Variants in ATRX observed in about 807,000 individuals in gnomAD.
ATRX encodes the protein ATRX chromatin remodeler, also known as chromatin remodeler ATRX.
ATRX carries 12 observed loss-of-function variants against 172.6 expected under a neutral mutation model. The ratio of observed to expected loss-of-function variants is 0.07; its 90% CI spans 0.04 to 0.11. ATRX has a LOEUF of 0.11. Ranked by LOEUF, ATRX falls within the 10% of genes least tolerant of loss-of-function variation. The pLI is 1.00. For synonymous variants in ATRX, 674 were observed against 594.7 expected, an observed-to-expected ratio of 1.13 and a Z score of -1.94; for missense variants, 1,368 against 1,767.4, an observed-to-expected ratio of 0.77 and a Z score of 4.05.
chrX:77,770,855 C>T (rs1557198695), intron 1 of ATRX, among the ~76,000 whole-genome samples: 2 of 112,056 alleles, frequency 1.8e-5, no homozygotes, highest in Non-Finnish European at 3.8e-5. Context: ...TTAAGGGCAA[C>T]ATATGACATC....
chrX:77,717,069 A>G (rs1319061959), intron 2 of ATRX, 62 bp downstream of exon 2: 29 of 952,911 alleles, frequency 3.0e-5, no homozygotes, highest in Non-Finnish European at 4.3e-5. Flanking sequence ...GGTTACCTCC[A>G]TAAGTGTAAA....
At chrX:77,586,525 T>A (rs1454453407) in intron 27 of ATRX, among the ~76,000 whole-genome samples, 1 of 112,088 alleles carries the variant, frequency 8.9e-6, no homozygotes, top group African/African-American at 3.2e-5. Context: ...TTAAAACAAA[T>A]ACAAGATATC....
intron 30 of ATRX, among the ~76,000 whole-genome samples, chrX:77,526,269 A>G (rs1302185086): frequency 8.9e-6 from 1 of 111,823 alleles, no homozygotes; most frequent in African/African-American, 3.2e-5. Context: ...GAAAGATTCC[A>G]GGGGAGGGGG....
At position 77,633,142 on chromosome X, in the gene ATRX, G is replaced by A. The variant is rs1235202777; in HGVS notation, c.5134+65C>T. 7 of 1,066,842 alleles carry A rather than the reference G, an allele frequency of 6.6e-6. No homozygotes were observed. The African/African-American group carries it at 1.3e-4, about 20-fold the overall frequency. The allele number at this position is 1,066,842 out of a possible 1,213,427, so 87.9% of individuals were successfully genotyped here. A position where few individuals can be genotyped will look rare whatever the true frequency, so the allele number is the denominator to read the frequency against. On this transcript the variant is annotated intron_variant, in intron 19 of 34. Coordinates refer to ENST00000373344, the MANE Select transcript of ATRX (RefSeq NM_000489.6). ...CTTAGTAGCTGTGCAATTACTATTT[G>A]TTAAAATATAAACACATTTTTTATT...
chrX:77,786,043 C>G lies in ATRX; in HGVS notation c.-42G>C. 8.5e-7 allele frequency: 1 copy of G among 1,169,594 alleles called. No homozygotes were observed. Among genetic ancestry groups the G allele is most frequent in the Admixed American group, 2.4e-5 (1 of 40,966 alleles). ...CTTGTCGGCTTCTGTGATTGCTGGG[C>G]GCCGATCTGCGCTCCCCCGCGCCCG... On this transcript the variant is annotated 5_prime_UTR_variant, in exon 1 of 35. Coordinates refer to ENST00000373344, the MANE Select transcript of ATRX (RefSeq NM_000489.6).
chrX:77,507,627 A>C lies in ATRX; in HGVS notation c.*724T>G, dbSNP rs2062739327. 1 of 174,137 alleles carries C rather than the reference A, an allele frequency of 5.7e-6. No individual in the cohort carries two copies. The highest frequency in any genetic ancestry group is 1.1e-5 in the Non-Finnish European group (1 of 91,243). 14.4% of individuals were successfully genotyped at this position (174,137 alleles called of 1,213,427 possible). ...ACCAGTAATTATTTCAGCACATATA[A>C]CTGAAAATAAAAAATGGCAGAAGGA... On this transcript the variant is annotated 3_prime_UTR_variant, in exon 35 of 35. Transcript: ENST00000373344.
rs1216809107 is a variant in ATRX at position 77,660,764 on chromosome X, A to G, written c.4120+2618T>C. Reference sequence around the variant, plus strand: ...ATAACTCTTGCCCAAAAGCCCTATAAATGTTTAGGATTCCAAGACTATGTC... The same window carrying G: ...ATAACTCTTGCCCAAAAGCCCTATAGATGTTTAGGATTCCAAGACTATGTC... On this transcript the variant is annotated intron_variant, in intron 12 of 34. Transcript: ENST00000373344. Among the ~76,000 whole-genome samples, 4 of 110,703 alleles carry G rather than the reference A, an allele frequency of 3.6e-5. No individual in the cohort carries two copies. The Admixed American group carries it at 3.9e-4, about 11-fold the overall frequency.
Position 77,589,879 on chromosome X carries a change from T to C in ATRX, c.6172A>G (p.Ser2058Gly), listed in dbSNP as rs1473492502. 19 of 1,210,146 alleles carry C rather than the reference T, an allele frequency of 1.6e-5. No individual in the cohort carries two copies. The highest frequency in any genetic ancestry group is 2.1e-5 in the Non-Finnish European group (19 of 894,488). Residue 2058 changes from serine to glycine, a missense_variant, in exon 27 of 35, where the codon AGT becomes GGT. Transcript: ENST00000373344. ...DLIEDFLELA[S>G]REKTEDKDKP... ...TCTTTATCTTCTGTCTTCTCCCTAC[T>C]AGCTAATTCAAGAAAATCTTCAATC...
intron 7 of ATRX, 78 bp downstream of exon 7, chrX:77,688,740 G>T: frequency 1.2e-6 from 1 of 820,031 alleles, no homozygotes; most frequent in Non-Finnish European, 1.8e-6. Context: ...CTTTCTTCAA[G>T]ACTGTGCCCT....
intron 27 of ATRX, among the ~76,000 whole-genome samples, chrX:77,586,968 T>G (rs1226707000): frequency 9.2e-6 from 1 of 109,093 alleles, no homozygotes. Context: ...GGCACAAGAA[T>G]CGCTTGAACC....
rs2148639516 is a variant in ATRX at position 77,684,539 on chromosome X, G to A, written c.717C>T (p.Phe239=). Residue 239 remains phenylalanine (F), a synonymous_variant, in exon 9 of 35, where the codon TTC becomes TTT. Transcript: ENST00000373344. ...LICCDFCHNA[F]CKKCILRNLG... is the part of the protein sequence containing the mutation. ...GGTTGCGTAGAATGCATTTCTTGCA[G>A]AAAGCATTATGGCAAAAGTCACAAC... is the stretch of plus-strand genomic sequence containing the variant. 1 of 1,210,930 alleles carries A rather than the reference G, an allele frequency of 8.3e-7. No homozygotes were observed. The highest frequency in any genetic ancestry group is 1.1e-6 in the Non-Finnish European group (1 of 895,013).
chrX:77,671,167 A>AAAATATATATATATATATAT (rs1424480831), intron 10 of ATRX, among the ~76,000 whole-genome samples: 2 of 15,735 alleles, frequency 1.3e-4, no homozygotes, highest in Non-Finnish European at 2.3e-4. Context: ...AAAAAAAAAA[A>AAAATATATATATATATATAT]ATATATATAT....
chrX:77,730,190 T>C (rs182976587), intron 1 of ATRX, among the ~76,000 whole-genome samples: 350 of 111,626 alleles, frequency 3.1e-3, no homozygotes, highest in Non-Finnish European at 5.2e-3. Context: ...GAAGTGGCTA[T>C]ACTAATATAA....
intron 10 of ATRX, among the ~76,000 whole-genome samples, chrX:77,670,092 T>C (rs1468580448): frequency 8.9e-6 from 1 of 112,048 alleles, no homozygotes; most frequent in Non-Finnish European, 1.9e-5. Context: ...CATTCTACAA[T>C]GACCATTTTA....
intron 2 of ATRX, among the ~76,000 whole-genome samples, chrX:77,706,807 G>A (rs1158829469): frequency 2.7e-5 from 3 of 111,190 alleles, no homozygotes; most frequent in Non-Finnish European, 5.7e-5. Flanking sequence ...TTGGGAGGCT[G>A]AGATGGAAGG....
chrX:77,526,459 C>T (rs899170162), intron 30 of ATRX, among the ~76,000 whole-genome samples: 2 of 111,254 alleles, frequency 1.8e-5, no homozygotes, highest in African/African-American at 3.3e-5. Flanking sequence ...CTCGCTACCA[C>T]GCATGGCTAA....
intron 17 of ATRX, among the ~76,000 whole-genome samples, chrX:77,634,232 TAAAAA>T (rs144290953): frequency 3.7e-5 from 2 of 54,067 alleles, no homozygotes; most frequent in African/African-American, 7.5e-5. Context: ...TTAAAAGTTG[TAAAAA>T]AAAAAAAAAA....
chrX:77,774,885 T>A (rs2076294821), intron 1 of ATRX, among the ~76,000 whole-genome samples: 1 of 94,315 alleles, frequency 1.1e-5, no homozygotes, highest in Non-Finnish European at 2.1e-5. Flanking sequence ...TTAGTACTTT[T>A]GTTTGTTTGT....
At chrX:77,715,929 C>T (rs2073353977) in intron 2 of ATRX, among the ~76,000 whole-genome samples, 1 of 108,803 alleles carries the variant, frequency 9.2e-6, no homozygotes. Flanking sequence ...ATTGTAGTTA[C>T]CCTTGAAAAC....
Sources: allele counts gnomAD v4.1 joint callset (sites outside exome capture counted in the v4.1 genomes callset), GRCh38; gene constraint gnomAD v4.1.1; transcripts MANE v1.5; gene names NCBI Gene and HGNC (gene_info 2026-07-23, HGNC 2026-07-21).